The following AKAP19 variants were observed in gnomAD, a reference collection of about 807,000 sequenced individuals.
AKAP19 encodes the protein small A-kinase anchoring protein.
chr2:190,072,480 T>G, the AKAP19 span, among the ~76,000 whole-genome samples: 4 of 152,184 alleles, frequency 2.6e-5, no homozygotes, highest in Non-Finnish European at 5.9e-5. Context: ...AGTTGAAAAT[T>G]AGTAAGGATA....
At chr2:190,060,715 G>A in the AKAP19 span, among the ~76,000 whole-genome samples, 5 of 151,968 alleles carry the variant, frequency 3.3e-5, no homozygotes, top group African/African-American at 4.8e-5. Flanking sequence ...ATGAAGTAAT[G>A]AACGCTGAAT....
chr2:189,901,159 T>C, the AKAP19 span, among the ~76,000 whole-genome samples: 1 of 152,180 alleles, frequency 6.6e-6, no homozygotes, highest in African/African-American at 2.4e-5. Context: ...ATTACTAATT[T>C]ATTATGTGCA....
the AKAP19 span, among the ~76,000 whole-genome samples, chr2:190,027,681 G>A: frequency 1.3e-5 from 2 of 152,152 alleles, no homozygotes; most frequent in African/African-American, 4.8e-5. Context: ...ATCCTGGAAT[G>A]TATATCTAGA....
chr2:189,920,863 G>A, the AKAP19 span, among the ~76,000 whole-genome samples: 6 of 152,096 alleles, frequency 3.9e-5, no homozygotes, highest in Non-Finnish European at 7.4e-5. Context: ...TGCCTTCAAG[G>A]GTTAATGCTT....
At chr2:190,144,577 T>G in the AKAP19 span, among the ~76,000 whole-genome samples, 1 of 152,246 alleles carries the variant, frequency 6.6e-6, no homozygotes, top group African/African-American at 2.4e-5. Flanking sequence ...TTTTTTATCC[T>G]CCCAGTATTT....
chr2:190,023,923 G>A, the AKAP19 span, among the ~76,000 whole-genome samples: 5 of 151,508 alleles, frequency 3.3e-5, no homozygotes, highest in African/African-American at 1.2e-4. Flanking sequence ...TCTTTTAGAT[G>A]TTTAGTGAAA....
the AKAP19 span, among the ~76,000 whole-genome samples, chr2:190,168,301 G>A: frequency 2.0e-5 from 3 of 152,096 alleles, no homozygotes; most frequent in Non-Finnish European, 4.4e-5. Context: ...ACACAGCATG[G>A]GTAGCCTGGG....
At chr2:190,129,518 A>G in the AKAP19 span, among the ~76,000 whole-genome samples, 1 of 152,120 alleles carries the variant, frequency 6.6e-6, no homozygotes, top group African/African-American at 2.4e-5. Context: ...TCCTTTTTCA[A>G]AATAACCAGC....
the AKAP19 span, among the ~76,000 whole-genome samples, chr2:189,985,341 T>C: frequency 6.6e-6 from 1 of 152,340 alleles, no homozygotes; most frequent in South Asian, 2.1e-4. Flanking sequence ...TTTTCCATCT[T>C]CTTGCATTTT....
At chr2:190,081,865 CAGAA>C in the AKAP19 span, among the ~76,000 whole-genome samples, 1 of 152,106 alleles carries the variant, frequency 6.6e-6, no homozygotes, top group Admixed American at 6.6e-5. Flanking sequence ...ACTGACTTAA[CAGAA>C]CCACATCTTT....
chr2:189,935,771 A>G, the AKAP19 span, among the ~76,000 whole-genome samples: 1 of 152,156 alleles, frequency 6.6e-6, no homozygotes, highest in South Asian at 2.1e-4. Flanking sequence ...TAGGAATTCA[A>G]TGACTTGTTC....
the AKAP19 span, among the ~76,000 whole-genome samples, chr2:190,111,435 A>G: frequency 3.9e-5 from 6 of 152,186 alleles, no homozygotes; most frequent in Non-Finnish European, 7.3e-5. Context: ...AAGTGATATT[A>G]CATTAATAAA....
At chr2:190,003,880 A>T in the AKAP19 span, among the ~76,000 whole-genome samples, 1 of 152,102 alleles carries the variant, frequency 6.6e-6, no homozygotes, top group African/African-American at 2.4e-5. Context: ...AGAAAAAAAA[A>T]AGTTGTATTC....
chr2:190,172,402 A>C, the AKAP19 span, among the ~76,000 whole-genome samples: 2 of 152,364 alleles, frequency 1.3e-5, no homozygotes, highest in African/African-American at 4.8e-5. Context: ...TATAACATCC[A>C]TGGTATAGAT....
chr2:190,012,091 A>T, the AKAP19 span, among the ~76,000 whole-genome samples: 1 of 151,904 alleles, frequency 6.6e-6, no homozygotes, highest in African/African-American at 2.4e-5. Context: ...TCATTTTTTT[A>T]TGTCTTCAAT....
the AKAP19 span, among the ~76,000 whole-genome samples, chr2:189,961,154 G>T: frequency 6.6e-6 from 1 of 152,124 alleles, no homozygotes; most frequent in Admixed American, 6.5e-5. Context: ...TTTTAATCAG[G>T]TCTTCATACC....
At chr2:190,026,250 C>T in the AKAP19 span, among the ~76,000 whole-genome samples, 3 of 152,104 alleles carry the variant, frequency 2.0e-5, no homozygotes, top group African/African-American at 7.2e-5. Flanking sequence ...CAATCTGCCC[C>T]CCAGCTTTAT....
the AKAP19 span, among the ~76,000 whole-genome samples, chr2:190,045,556 C>T: frequency 6.6e-6 from 1 of 152,092 alleles, no homozygotes; most frequent in African/African-American, 2.4e-5. Context: ...TTCCCCCTGG[C>T]CCATACTCTC....
At chr2:190,120,403 A>C in the AKAP19 span, among the ~76,000 whole-genome samples, 1 of 152,218 alleles carries the variant, frequency 6.6e-6, no homozygotes, top group Non-Finnish European at 1.5e-5. Flanking sequence ...TGGCAAGAAA[A>C]CTTCACATTA....
Sources: gnomAD v4.1 joint callset for allele counts (sites outside exome capture counted in the v4.1 genomes callset) on GRCh38, gnomAD v4.1.1 for gene constraint, MANE v1.5 for transcripts, NCBI Gene and HGNC (gene_info 2026-07-23, HGNC 2026-07-21) for gene names.